PTPRJ: variants seen among roughly 807,000 people sequenced by gnomAD.
PTPRJ encodes the protein protein tyrosine phosphatase receptor type J.
Under a neutral mutation model 141.3 loss-of-function variants are expected in PTPRJ, and 129 were observed. The ratio of observed to expected loss-of-function variants is 0.91; its 90% CI spans 0.79 to 1.06. The LOEUF (loss-of-function observed/expected upper bound fraction) is 1.06, where lower values mean the gene tolerates loss of function less well. Among genes scored for constraint, PTPRJ ranks in the 50% least tolerant of loss-of-function variants. The pLI, the probability that PTPRJ is intolerant of heterozygous loss-of-function variation, is 0.00. For synonymous variants in PTPRJ, 610 were observed against 640.5 expected (o/e 0.95, Z 0.72); for missense variants, 1,601 against 1,679.7 (o/e 0.95, Z 0.82).
intron 17 of PTPRJ, 41 bp downstream of exon 17, chr11:48,150,039 C>T: frequency 6.5e-7 from 1 of 1,532,862 alleles, no homozygotes; most frequent in Non-Finnish European, 9.0e-7. Context: ...TTGTACTTTT[C>T]TATTGAATAT....
chr11:48,065,378 C>T (rs1018863274), intron 1 of PTPRJ, among the ~76,000 whole-genome samples: 22 of 152,046 alleles, frequency 1.4e-4, no homozygotes, highest in African/African-American at 4.1e-4. Context: ...TCCTGGGAGG[C>T]GGTGGCTCTC....
At chr11:48,159,094 T>TGGG (rs3071025) in intron 21 of PTPRJ, among the ~76,000 whole-genome samples, 2 of 141,878 alleles carry the variant, frequency 1.4e-5, no homozygotes, top group African/African-American at 2.7e-5. Context: ...TGTGTGTATG[T>TGGG]GGGGTGTGTG....
intron 12 of PTPRJ, among the ~76,000 whole-genome samples, chr11:48,143,705 G>C (rs950054143): frequency 6.6e-6 from 1 of 152,056 alleles, no homozygotes; most frequent in East Asian, 1.9e-4. Context: ...GAGTCTCTTC[G>C]GTAGCTGTGT....
chr11:48,124,818 C>T (rs1046862320), intron 5 of PTPRJ, 150 bp from the exon 6 acceptor site: 1 of 730,154 alleles, frequency 1.4e-6, no homozygotes, highest in East Asian at 2.5e-5. Context: ...GGCTGCCTCT[C>T]TCTCTGGAGG....
chr11:48,113,877 A>G (rs1159779844), intron 3 of PTPRJ, among the ~76,000 whole-genome samples: 1 of 152,210 alleles, frequency 6.6e-6, no homozygotes, highest in Non-Finnish European at 1.5e-5. Flanking sequence ...TATAACCCAT[A>G]TAAACAAAAA....
At chr11:48,118,912 T>C (rs1856633035) in intron 3 of PTPRJ, among the ~76,000 whole-genome samples, 1 of 146,268 alleles carries the variant, frequency 6.8e-6, no homozygotes, top group Admixed American at 7.3e-5. Context: ...CCCAGCTACT[T>C]GGGAGGCTGA....
intron 21 of PTPRJ, among the ~76,000 whole-genome samples, chr11:48,157,254 T>A (rs561252040): frequency 1.3e-5 from 2 of 152,328 alleles, no homozygotes; most frequent in East Asian, 1.9e-4. Context: ...CCCAAAGTGC[T>A]GGATTGCAGA....
intron 1 of PTPRJ, among the ~76,000 whole-genome samples, chr11:48,063,944 G>GTGTT (rs1855007924): frequency 6.6e-6 from 1 of 150,672 alleles, no homozygotes; most frequent in African/African-American, 2.5e-5. Context: ...GTGTGTGTGT[G>GTGTT]TTTTTAAAAA....
intron 1 of PTPRJ, among the ~76,000 whole-genome samples, chr11:48,000,840 T>C (rs1854477421): frequency 6.6e-6 from 1 of 152,152 alleles, no homozygotes. Flanking sequence ...GGACCCCCTA[T>C]GTCTGATTTC....
rs553809325 is a variant in PTPRJ at position 48,062,551 on chromosome 11, T to C, written c.97-47507T>C. On this transcript the variant is annotated intron_variant, in intron 1 of 24. Transcript: ENST00000418331. ...AAAAAAACAGTGCTTGTTGTTCTTTTGTTGTTATTGTTAAAGGATCATTAT... is the reference window on the plus strand; with the variant it reads ...AAAAAAACAGTGCTTGTTGTTCTTTCGTTGTTATTGTTAAAGGATCATTAT... 2.0e-5 allele frequency among the ~76,000 whole-genome samples: 3 copies of C among 152,288 alleles called. No individual in the cohort carries two copies. The South Asian group carries it at 6.2e-4, about 32-fold the overall frequency.
chr11:48,079,806 AGGAGGTCAAC>A (rs1855513170), intron 1 of PTPRJ, among the ~76,000 whole-genome samples: 1 of 152,140 alleles, frequency 6.6e-6, no homozygotes, highest in East Asian at 1.9e-4. Flanking sequence ...AGAGAGGGCC[AGGAGGTCAAC>A]TTCCCTACAG....
rs559620214 is a variant in PTPRJ, at chr11:48,149,390, G to A, written c.3000-57G>A. The A allele has an allele frequency of 2.7e-5, 32 of 1,193,344 alleles. No homozygotes were observed. In the African/African-American group the frequency reaches 4.2e-4, roughly 16 times the overall value. 73.9% of individuals were successfully genotyped at this position (1,193,344 alleles called of 1,614,324 possible). A position where few individuals can be genotyped will look rare whatever the true frequency, so the allele number is the denominator to read the frequency against. On this transcript the variant is annotated intron_variant, in intron 15 of 24. Transcript: ENST00000418331. ...TGACATCAACTCCAGATACACAAGG[G>A]AAAAGCACAGGAAGGAATCCTTTTT...
chr11:48,087,753 G>A (rs899832523), intron 1 of PTPRJ, among the ~76,000 whole-genome samples: 2 of 152,204 alleles, frequency 1.3e-5, no homozygotes, highest in African/African-American at 4.8e-5. Context: ...TTTCTTACCT[G>A]TGAAAGTGGG....
chr11:48,110,750 G>A (rs758970570), intron 2 of PTPRJ, among the ~76,000 whole-genome samples: 1 of 152,170 alleles, frequency 6.6e-6, no homozygotes, highest in Admixed American at 6.5e-5. Context: ...AAAGAATGGG[G>A]TGGAAGATCG....
rs1410422063 is a variant in PTPRJ, at chr11:48,123,660, A to G, written c.664A>G (p.Lys222Glu). 10 of 1,614,040 alleles carry G rather than the reference A, an allele frequency of 6.2e-6. No homozygotes were observed. The highest frequency in any genetic ancestry group is 8.5e-6 in the Non-Finnish European group (10 of 1,180,004). ...CCGTGTTGCCCTCACGGGTGTGAGG[A>G]AGGCTGCTCTCTCCTGGAGCAATGG... ...DLRVALTGVR[K>E]AALSWSNGNG... The change falls in exon 5 of 25, where the codon AAG becomes GAG. Residue 222 changes from lysine to glutamate, a missense_variant. Coordinates refer to ENST00000418331, the MANE Select transcript of PTPRJ (RefSeq NM_002843.4).
At chr11:47,999,165 C>T (rs116812950) in intron 1 of PTPRJ, among the ~76,000 whole-genome samples, 1 of 152,298 alleles carries the variant, frequency 6.6e-6, no homozygotes, top group African/African-American at 2.4e-5. Context: ...GATGTCCTGG[C>T]TCAGCAGGAG....
intron 1 of PTPRJ, among the ~76,000 whole-genome samples, chr11:47,997,512 C>G (rs1854372730): frequency 6.6e-6 from 1 of 152,118 alleles, no homozygotes. Flanking sequence ...GAGCTTTGGC[C>G]GAGTTTGTGC....
At chr11:48,159,399 T>TTG (rs1202146081) in intron 21 of PTPRJ, among the ~76,000 whole-genome samples, 1 of 152,118 alleles carries the variant, frequency 6.6e-6, no homozygotes, top group East Asian at 1.9e-4. Context: ...CAGTGAACAG[T>TTG]TGTGGTGGCT....
rs1295518200 is a variant in PTPRJ at position 48,168,569 on chromosome 11, T to C, written c.*1207T>C. The C allele has an allele frequency of 1.6e-5, 2 of 127,044 alleles. No individual in the cohort carries two copies. The highest frequency in any genetic ancestry group is 5.8e-5 in the African/African-American group (2 of 34,410). 7.9% of individuals were successfully genotyped at this position (127,044 alleles called of 1,614,324 possible). ...ATATATATATATATATATATATATA[T>C]ATATATATATATACACTAAGCTCTC... On this transcript the variant is annotated 3_prime_UTR_variant, in exon 25 of 25. Coordinates refer to ENST00000418331, the MANE Select transcript of PTPRJ (RefSeq NM_002843.4).
Sources: gnomAD v4.1 joint callset for allele counts (sites outside exome capture counted in the v4.1 genomes callset) on GRCh38, gnomAD v4.1.1 for gene constraint, MANE v1.5 for transcripts, NCBI Gene and HGNC (gene_info 2026-07-23, HGNC 2026-07-21) for gene names.